ETS1: variants seen among roughly 807,000 people sequenced by gnomAD.
ETS1 encodes protein C-ets-1.
In ETS1, 15 loss-of-function variants were observed where a neutral mutation model predicts 58.6. The ratio of observed to expected loss-of-function variants is 0.26; its 90% CI spans 0.17 to 0.39. The LOEUF is 0.39. Ranked by LOEUF, ETS1 falls within the 10% of genes least tolerant of loss-of-function variation. ETS1 has a pLI of 1.00. For missense variants in ETS1, 417 were observed against 610.5 expected, an observed-to-expected ratio of 0.68 and a Z score of 3.34; for synonymous variants, 214 against 218.2, an observed-to-expected ratio of 0.98 and a Z score of 0.17.
intron 3 of ETS1, among the ~76,000 whole-genome samples, chr11:128,547,200 A>G (rs1253281730): frequency 1.3e-5 from 2 of 152,160 alleles, no homozygotes; most frequent in African/African-American, 4.8e-5. Flanking sequence ...CAGTTCAACA[A>G]AATGTGCACT....
At chr11:128,545,790 C>A (rs1221012446) in intron 3 of ETS1, among the ~76,000 whole-genome samples, 6 of 152,128 alleles carry the variant, frequency 3.9e-5, no homozygotes, top group African/African-American at 1.4e-4. Flanking sequence ...GGGATCTAAA[C>A]CATGTTAAAA....
intron 2 of ETS1, among the ~76,000 whole-genome samples, chr11:128,557,787 G>T (rs1864335646): frequency 6.6e-6 from 1 of 152,086 alleles, no homozygotes; most frequent in African/African-American, 2.4e-5. Context: ...TCTCAATAAA[G>T]GTAGCTCATA....
At chr11:128,509,679 C>A (rs1279645686) in intron 3 of ETS1, among the ~76,000 whole-genome samples, 1 of 150,826 alleles carries the variant, frequency 6.6e-6, no homozygotes, top group Non-Finnish European at 1.5e-5. Flanking sequence ...ACACATCACA[C>A]AGAAGAATGT....
At chr11:128,510,949 A>T (rs1863377676) in intron 3 of ETS1, among the ~76,000 whole-genome samples, 2 of 152,204 alleles carry the variant, frequency 1.3e-5, no homozygotes, top group Admixed American at 6.5e-5. Flanking sequence ...TGTTTTAGAG[A>T]GATAATCTGA....
intron 3 of ETS1, chr11:128,522,147 G>T: frequency 7.6e-7 from 1 of 1,314,220 alleles, no homozygotes; most frequent in Non-Finnish European, 9.7e-7. Context: ...TCTTTCCCCC[G>T]CGCCCGGACG....
At chr11:128,570,238 CTTT>C (rs200310590) in intron 2 of ETS1, among the ~76,000 whole-genome samples, 3 of 135,474 alleles carry the variant, frequency 2.2e-5, no homozygotes, top group Non-Finnish European at 3.1e-5. Context: ...TTTTCTTTTC[CTTT>C]TTTTTTTTTT....
chr11:128,581,398 T>C (rs1386252162), intron 1 of ETS1, among the ~76,000 whole-genome samples: 3 of 152,192 alleles, frequency 2.0e-5, no homozygotes, highest in African/African-American at 7.2e-5. Flanking sequence ...AAAGTGGCCA[T>C]AGCCTGTGTA....
chr11:128,565,944 G>A (rs536384571), intron 2 of ETS1, among the ~76,000 whole-genome samples: 9 of 152,302 alleles, frequency 5.9e-5, no homozygotes, highest in Non-Finnish European at 8.8e-5. Context: ...ACTGGAGTCC[G>A]GAGGCCTATG....
intron 3 of ETS1, among the ~76,000 whole-genome samples, chr11:128,507,630 A>G (rs533169188): frequency 6.6e-6 from 1 of 152,284 alleles, no homozygotes; most frequent in African/African-American, 2.4e-5. Flanking sequence ...CATCTTCCTT[A>G]GGGGAAGCCT....
intron 8 of ETS1, among the ~76,000 whole-genome samples, chr11:128,470,366 C>G (rs1311988283): frequency 5.9e-5 from 9 of 152,092 alleles, no homozygotes; most frequent in South Asian, 2.1e-4. Flanking sequence ...GTTGAGGGTA[C>G]GAGGCTTTGA....
chr11:128,583,040 G>T (rs1380679562), intron 1 of ETS1, among the ~76,000 whole-genome samples: 1 of 152,150 alleles, frequency 6.6e-6, no homozygotes, highest in East Asian at 1.9e-4. Context: ...ATCACCCGGG[G>T]ATCCTGTTAC....
Position 128,480,403 on chromosome 11 carries a change from C to T in ETS1, c.911G>A (p.Ser304Asn). 6.2e-7 allele frequency: 1 copy of T among 1,613,948 alleles called. No homozygotes were observed. The highest frequency in any genetic ancestry group is 8.5e-7 in the Non-Finnish European group (1 of 1,179,998). Residue 304 changes from serine (S) to asparagine (N), a missense_variant, in exon 8 of 10, where the codon AGT becomes AAT. Physicochemically the swap from Ser to Asn is conservative, Grantham distance 46 (BLOSUM62 1). This residue lies in a region of ETS1 where 139 missense variants were observed against 152.1 expected (regional missense o/e 0.91). Coordinates refer to ENST00000392668, the MANE Select transcript of ETS1 (RefSeq NM_001143820.2). ...DSFESIESYD[S>N]CDRLTQSWSS... ...CCAGGACTGGGTGAGGCGATCACAA[C>T]TATCGTAGCTCTCTATGCTTTCAAA...
At chr11:128,481,969 C>T (rs1389883207) in intron 7 of ETS1, among the ~76,000 whole-genome samples, 1 of 152,152 alleles carries the variant, frequency 6.6e-6, no homozygotes, top group East Asian at 1.9e-4. Flanking sequence ...CATCTCATTC[C>T]TTCCTCCACT....
chr11:128,536,253 T>C (rs1863971278), intron 3 of ETS1, among the ~76,000 whole-genome samples: 1 of 152,222 alleles, frequency 6.6e-6, no homozygotes, highest in South Asian at 2.1e-4. Flanking sequence ...GAATTAAGCA[T>C]GTGAAAATCA....
At chr11:128,542,179 A>G (rs1045761028) in intron 3 of ETS1, among the ~76,000 whole-genome samples, 1 of 152,240 alleles carries the variant, frequency 6.6e-6, no homozygotes, top group Non-Finnish European at 1.5e-5. Flanking sequence ...AGAATGCCCC[A>G]GCCCCATTAT....
At position 128,469,534 on chromosome 11, in the gene ETS1, C is replaced by T. The variant is rs374811511; in HGVS notation, c.1124-5907G>A. On this transcript the variant is annotated intron_variant, in intron 8 of 9. Coordinates refer to ENST00000392668, the MANE Select transcript of ETS1 (RefSeq NM_001143820.2). The stretch of plus-strand genomic sequence containing the variant: ...GTGACTCCCCAGTCCAAGCATCACC[C>T]CTTTCTGTCAACCCTCTTCTAAATC... 5.9e-5 allele frequency among the ~76,000 whole-genome samples: 9 copies of T among 152,322 alleles called. No individual in the cohort carries two copies. The South Asian group carries it at 6.2e-4, about 11-fold the overall frequency.
intron 3 of ETS1, among the ~76,000 whole-genome samples, chr11:128,492,588 AT>A (rs1219483652): frequency 6.6e-6 from 1 of 151,976 alleles, no homozygotes; most frequent in Non-Finnish European, 1.5e-5. Context: ...TAACAAAATG[AT>A]GGAAAATCCC....
At chr11:128,537,137 C>A (rs1863982874) in intron 3 of ETS1, among the ~76,000 whole-genome samples, 1 of 152,126 alleles carries the variant, frequency 6.6e-6, no homozygotes, top group Non-Finnish European at 1.5e-5. Flanking sequence ...CATATTAGCT[C>A]AACTCTTTCA....
intron 1 of ETS1, among the ~76,000 whole-genome samples, chr11:128,584,805 C>G (rs1356426905): frequency 6.7e-6 from 1 of 149,048 alleles, no homozygotes; most frequent in African/African-American, 2.5e-5. Context: ...ATTAATTTTG[C>G]TCAAATGCTA....
Sources: allele counts gnomAD v4.1 joint callset (sites outside exome capture counted in the v4.1 genomes callset), GRCh38; gene constraint gnomAD v4.1.1; regional missense constraint gnomAD v4.1.1; transcripts MANE v1.5; gene names NCBI Gene and HGNC (gene_info 2026-07-23, HGNC 2026-07-21).